Variants in ADAMTS12 observed in about 807,000 individuals in gnomAD.
ADAMTS12 encodes ADAM metallopeptidase with thrombospondin type 1 motif 12.
In ADAMTS12, 118 loss-of-function variants were observed where a neutral mutation model predicts 167.8. That is an observed-to-expected ratio of 0.70 (90% CI 0.61 to 0.82). The LOEUF (loss-of-function observed/expected upper bound fraction) is 0.82, where lower values mean the gene tolerates loss of function less well. Among genes scored for constraint, ADAMTS12 ranks in the 40% least tolerant of loss-of-function variants. The pLI is 0.00. For missense variants in ADAMTS12, 1,916 were observed against 1,998.8 expected (o/e 0.96, Z 0.79); for synonymous variants, 704 against 716.9 (o/e 0.98, Z 0.29).
intron 5 of ADAMTS12, among the ~76,000 whole-genome samples, chr5:33,670,426 C>T (rs1468514542): frequency 6.6e-6 from 1 of 152,122 alleles, no homozygotes; most frequent in Non-Finnish European, 1.5e-5. Context: ...TATGGAAAAA[C>T]AGTTTGGTAG....
rs754922122 is a variant in ADAMTS12, at chr5:33,658,344, A to G, written c.1041-11T>C. On this transcript the variant is annotated splice_polypyrimidine_tract_variant and intron_variant, in intron 6 of 23. Coordinates refer to ENST00000504830, the MANE Select transcript of ADAMTS12 (RefSeq NM_030955.4). Reference sequence around the variant, plus strand: ...GCACAGATGTCCTTTCTGAAAGCAGAGAATACAGAAGCTAAGGCGCCCAAA... The same window carrying G: ...GCACAGATGTCCTTTCTGAAAGCAGGGAATACAGAAGCTAAGGCGCCCAAA... The G allele has an allele frequency of 6.2e-6, 10 of 1,612,278 alleles. No individual in the cohort carries two copies. Among genetic ancestry groups the G allele is most frequent in the Non-Finnish European group, 8.5e-6 (10 of 1,178,948 alleles).
Position 33,891,937 on chromosome 5 carries a change from C to T in ADAMTS12, c.-81G>A. On this transcript the variant is annotated 5_prime_UTR_variant, in exon 1 of 24. Coordinates refer to ENST00000504830, the MANE Select transcript of ADAMTS12 (RefSeq NM_030955.4). ...AATAAAGCGCTCGCCTGTGGCCCAGCAGGAAGATGCAGGGGTGCATGGTCA... is the reference window on the plus strand; with the variant it reads ...AATAAAGCGCTCGCCTGTGGCCCAGTAGGAAGATGCAGGGGTGCATGGTCA... 6.5e-7 allele frequency: 1 copy of T among 1,538,726 alleles called. No homozygotes were observed. Among genetic ancestry groups the T allele is most frequent in the South Asian group, 1.2e-5 (1 of 80,446 alleles).
At chr5:33,889,780 C>T (rs1218307649) in intron 1 of ADAMTS12, among the ~76,000 whole-genome samples, 1 of 152,054 alleles carries the variant, frequency 6.6e-6, no homozygotes, top group Non-Finnish European at 1.5e-5. Context: ...GGTGAAACCT[C>T]GTCTGTACTA....
chr5:33,652,163 G>A (rs1283341976), intron 7 of ADAMTS12, among the ~76,000 whole-genome samples: 1 of 152,106 alleles, frequency 6.6e-6, no homozygotes, highest in Non-Finnish European at 1.5e-5. Flanking sequence ...TTGCTGGGTC[G>A]AATGATAGCT....
chr5:33,703,010 C>T (rs1743058310), intron 3 of ADAMTS12, among the ~76,000 whole-genome samples: 3 of 152,106 alleles, frequency 2.0e-5, no homozygotes, highest in Admixed American at 2.0e-4. Context: ...TTGATGATAC[C>T]CCACTCCTCA....
chr5:33,879,594 G>A (rs1750355288), intron 2 of ADAMTS12, among the ~76,000 whole-genome samples: 1 of 152,136 alleles, frequency 6.6e-6, no homozygotes, highest in Non-Finnish European at 1.5e-5. Context: ...AAGAAAAATA[G>A]AAAACCATTC....
At chr5:33,849,251 T>C (rs1236445711) in intron 2 of ADAMTS12, among the ~76,000 whole-genome samples, 2 of 123,984 alleles carry the variant, frequency 1.6e-5, no homozygotes, top group East Asian at 5.3e-4. Context: ...CATAGCAATA[T>C]ATATATATGT....
chr5:33,826,946 C>T (rs1748093022), intron 2 of ADAMTS12, among the ~76,000 whole-genome samples: 2 of 152,108 alleles, frequency 1.3e-5, no homozygotes, highest in African/African-American at 4.8e-5. Context: ...CTATAATAAG[C>T]TTTAGTCATG....
rs1327043244 is a variant in ADAMTS12 at position 33,751,483 on chromosome 5, A to T, written c.555T>A (p.Val185=). 5 of 1,614,038 alleles carry T rather than the reference A, an allele frequency of 3.1e-6. No individual in the cohort carries two copies. The African/African-American group carries it at 5.3e-5, about 17-fold the overall frequency. The part of the protein sequence containing the change: ...FIEPVKKHPL[V]EGGYHPHIVY... Reference sequence around the variant, plus strand: ...CGATGTGCGGGTGGTACCCTCCCTCAACCAGTGGATGCTTCTTCACGGGTT... The same window carrying T: ...CGATGTGCGGGTGGTACCCTCCCTCTACCAGTGGATGCTTCTTCACGGGTT... Residue 185 remains valine (V), a synonymous_variant, in exon 3 of 24, where the codon GTT becomes GTA. Transcript: ENST00000504830.
chr5:33,732,646 T>C (rs1418317830), intron 3 of ADAMTS12, among the ~76,000 whole-genome samples: 2 of 152,234 alleles, frequency 1.3e-5, no homozygotes, highest in African/African-American at 2.4e-5. Context: ...TGTCCAATGC[T>C]GGCAAAAGTA....
Position 33,880,223 on chromosome 5 carries a change from G to A in ADAMTS12, c.489+896C>T, listed in dbSNP as rs181556537. On this transcript the variant is annotated intron_variant, in intron 2 of 23. Transcript: ENST00000504830. ...CAAACTGTCTCATCTGCTAAAACGA[G>A]GCAAAGTGGACAATGTACATAAACC... Among the ~76,000 whole-genome samples, 51 of 152,304 alleles carry A rather than the reference G, an allele frequency of 3.3e-4. No individual in the cohort carries two copies. The East Asian group carries it at 6.7e-3, about 20-fold the overall frequency.
At chr5:33,787,427 C>T (rs1180943678) in intron 2 of ADAMTS12, among the ~76,000 whole-genome samples, 1 of 152,224 alleles carries the variant, frequency 6.6e-6, no homozygotes, top group African/African-American at 2.4e-5. Context: ...CTTGAAATTC[C>T]TAATATTTTC....
rs1743751921 is a variant in ADAMTS12 at position 33,525,048 on chromosome 5, T to C, written c.*2140A>G. On this transcript the variant is annotated 3_prime_UTR_variant, in exon 24 of 24. Coordinates refer to ENST00000504830, the MANE Select transcript of ADAMTS12 (RefSeq NM_030955.4). The stretch of plus-strand genomic sequence containing the variant: ...TCATACCCAGGTCTCTGATGACACG[T>C]ATTTGACCCTATGCTAGTACAGTAC... 1 of 152,230 alleles carries C rather than the reference T, an allele frequency of 6.6e-6. No individual in the cohort carries two copies. The highest frequency in any genetic ancestry group is 1.5e-5 in the Non-Finnish European group (1 of 68,054). The allele number at this position is 152,230 out of a possible 1,614,324, so 9.4% of individuals were successfully genotyped here.
At position 33,810,171 on chromosome 5, in the gene ADAMTS12, G is replaced by A. The variant is rs892209549; in HGVS notation, c.490-58623C>T. Among the ~76,000 whole-genome samples the A allele has an allele frequency of 2.6e-5, 4 of 152,108 alleles. No individual in the cohort carries two copies. In the East Asian group the frequency reaches 5.8e-4, roughly 22 times the overall value. On this transcript the variant is annotated intron_variant, in intron 2 of 23. Transcript: ENST00000504830. Reference sequence around the variant, plus strand: ...TAATGCATTTTACTGTCTAGAGAACGCTACTGGGTAAACAGAACACTCATC... The same window carrying A: ...TAATGCATTTTACTGTCTAGAGAACACTACTGGGTAAACAGAACACTCATC...
Position 33,822,639 on chromosome 5 carries a change from C to T in ADAMTS12, c.489+58480G>A, listed in dbSNP as rs187153716. 7.1e-3 allele frequency among the ~76,000 whole-genome samples: 1,086 copies of T among 151,980 alleles called. 11 individuals are homozygous for T. Among genetic ancestry groups the T allele is most frequent in the Non-Finnish European group, 8.7e-3 (592 of 67,988 alleles). On this transcript the variant is annotated intron_variant, in intron 2 of 23. Coordinates refer to ENST00000504830, the MANE Select transcript of ADAMTS12 (RefSeq NM_030955.4). ...TGTGCACATATATATTTTCTTGGTC[C>T]ACAAATTAAAAGATACTATGATTAT...
chr5:33,816,198 T>C (rs1033977088), intron 2 of ADAMTS12, among the ~76,000 whole-genome samples: 2 of 152,152 alleles, frequency 1.3e-5, no homozygotes, highest in East Asian at 1.9e-4. Context: ...TGAAACAGTT[T>C]ATAATTGTGT....
At chr5:33,714,470 A>T (rs1472383832) in intron 3 of ADAMTS12, among the ~76,000 whole-genome samples, 12 of 152,118 alleles carry the variant, frequency 7.9e-5, no homozygotes, top group Non-Finnish European at 1.8e-4. Flanking sequence ...AAGGAAAGGA[A>T]ATCAGTATGT....
chr5:33,858,327 C>T (rs1333373884), intron 2 of ADAMTS12, among the ~76,000 whole-genome samples: 1 of 152,076 alleles, frequency 6.6e-6, no homozygotes, highest in East Asian at 1.9e-4. Flanking sequence ...AAAAGCAATG[C>T]TGAGAGGAAA....
chr5:33,581,991 C>A (rs760535938), intron 18 of ADAMTS12, among the ~76,000 whole-genome samples: 1 of 152,164 alleles, frequency 6.6e-6, no homozygotes, highest in Non-Finnish European at 1.5e-5. Context: ...AATTCATCCT[C>A]CCAGCTTTCA....
Sources: gnomAD v4.1 joint callset for allele counts (sites outside exome capture counted in the v4.1 genomes callset) on GRCh38, gnomAD v4.1.1 for gene constraint, MANE v1.5 for transcripts, NCBI Gene and HGNC (gene_info 2026-07-23, HGNC 2026-07-21) for gene names.